CTDSPL2: variants seen among roughly 807,000 people sequenced by gnomAD.
The protein encoded by CTDSPL2 is CTD small phosphatase-like protein 2.
Under a neutral mutation model 60.0 loss-of-function variants are expected in CTDSPL2, and 5 were observed. The ratio of observed to expected loss-of-function variants is 0.08; its 90% CI spans 0.04 to 0.18. CTDSPL2 has a LOEUF of 0.18. Ranked by LOEUF, CTDSPL2 falls within the 10% of genes least tolerant of loss-of-function variation. The pLI is 1.00. For synonymous variants in CTDSPL2, 186 were observed against 189.3 expected (o/e 0.98, Z 0.14); for missense variants, 370 against 548.8 (o/e 0.67, Z 3.26).
At chr15:44,458,534 A>T (rs1299340728) in intron 1 of CTDSPL2, among the ~76,000 whole-genome samples, 1 of 152,238 alleles carries the variant, frequency 6.6e-6, no homozygotes, top group Non-Finnish European at 1.5e-5. Context: ...GGCTGACATT[A>T]CTTTTCCACT....
intron 8 of CTDSPL2, among the ~76,000 whole-genome samples, chr15:44,506,298 G>A (rs1461303383): frequency 6.6e-6 from 1 of 151,622 alleles, no homozygotes; most frequent in Non-Finnish European, 1.5e-5. Flanking sequence ...CCAAAATGCT[G>A]GGATTACCGG....
chr15:44,465,764 AGT>A (rs1422991011), intron 2 of CTDSPL2, among the ~76,000 whole-genome samples: 1 of 127,862 alleles, frequency 7.8e-6, no homozygotes, highest in Non-Finnish European at 1.5e-5. Context: ...CCCAGGCTGG[AGT>A]GCAGTGGTAC....
chr15:44,436,986 T>C (rs183334539), intron 1 of CTDSPL2, among the ~76,000 whole-genome samples: 4 of 152,296 alleles, frequency 2.6e-5, no homozygotes, highest in Non-Finnish European at 4.4e-5. Context: ...AAACATGAAA[T>C]TCATTTATGT....
intron 1 of CTDSPL2, among the ~76,000 whole-genome samples, chr15:44,455,437 T>G (rs1460128935): frequency 7.9e-5 from 12 of 152,008 alleles, no homozygotes; most frequent in South Asian, 2.1e-4. Context: ...TATTGCCCTG[T>G]CCAGAACTTC....
chr15:44,515,437 T>C (rs1189034016), intron 10 of CTDSPL2, among the ~76,000 whole-genome samples: 1 of 152,172 alleles, frequency 6.6e-6, no homozygotes, highest in Non-Finnish European at 1.5e-5. Context: ...TTTTAAAATA[T>C]TATGATAATT....
rs149536722 is a variant in CTDSPL2, at chr15:44,494,171, T to C, written c.692-2209T>C. ...CTTCTTACATTTAAGTTATAATTATTGTCTTGGAAAATTCCCAGCATAATT... is the reference window on the plus strand; with the variant it reads ...CTTCTTACATTTAAGTTATAATTATCGTCTTGGAAAATTCCCAGCATAATT... On this transcript the variant is annotated intron_variant, in intron 5 of 12. Coordinates refer to ENST00000260327, the MANE Select transcript of CTDSPL2 (RefSeq NM_016396.3). Among the ~76,000 whole-genome samples the C allele has an allele frequency of 3.7e-3, 561 of 152,342 alleles. 5 individuals are homozygous for C. The highest frequency in any genetic ancestry group is 4.4e-3 in the Non-Finnish European group (298 of 68,034).
At chr15:44,491,142 GC>G (rs1360736150) in intron 5 of CTDSPL2, 143 bp downstream of exon 5, 2 of 661,810 alleles carry the variant, frequency 3.0e-6, no homozygotes, top group Non-Finnish European at 5.0e-6. Context: ...TGGAAACAAA[GC>G]TTTGTCCCAA....
At chr15:44,438,070 C>T (rs2080011756) in intron 1 of CTDSPL2, among the ~76,000 whole-genome samples, 1 of 152,106 alleles carries the variant, frequency 6.6e-6, no homozygotes, top group African/African-American at 2.4e-5. Flanking sequence ...TAAGACCATC[C>T]TGGCTAACAT....
chr15:44,505,720 C>T (rs963382805), intron 8 of CTDSPL2, among the ~76,000 whole-genome samples: 5 of 144,186 alleles, frequency 3.5e-5, no homozygotes, highest in South Asian at 4.4e-4. Context: ...GGCAACAGAG[C>T]GAGACTCTGT....
intron 4 of CTDSPL2, among the ~76,000 whole-genome samples, chr15:44,489,594 G>T (rs28486675): frequency 0.067 from 10,176 of 152,250 alleles, 584 homozygotes; most frequent in African/African-American, 0.16. Flanking sequence ...TTATAGCTAT[G>T]GTAGTAACTG....
chr15:44,431,584 A>G (rs2079857348), intron 1 of CTDSPL2, among the ~76,000 whole-genome samples: 1 of 152,180 alleles, frequency 6.6e-6, no homozygotes, highest in Non-Finnish European at 1.5e-5. Flanking sequence ...AAACTTTAAA[A>G]ATTGTCTTTT....
At chr15:44,521,798 C>T (rs1019262599) in intron 12 of CTDSPL2, among the ~76,000 whole-genome samples, 9 of 150,612 alleles carry the variant, frequency 6.0e-5, no homozygotes, top group Admixed American at 2.6e-4. Context: ...ATTAGCCGGG[C>T]GTGGTAGCGG....
intron 1 of CTDSPL2, among the ~76,000 whole-genome samples, chr15:44,451,758 C>A (rs900798962): frequency 6.6e-6 from 1 of 152,186 alleles, no homozygotes; most frequent in African/African-American, 2.4e-5. Context: ...AGAAAAAAAT[C>A]TATGAAATTT....
At chr15:44,515,175 G>A (rs956486218) in intron 10 of CTDSPL2, among the ~76,000 whole-genome samples, 2 of 152,034 alleles carry the variant, frequency 1.3e-5, no homozygotes, top group East Asian at 3.9e-4. Flanking sequence ...ATGTCTCTGA[G>A]GTAATGCATG....
chr15:44,440,249 G>T (rs564804766), intron 1 of CTDSPL2, among the ~76,000 whole-genome samples: 1 of 149,206 alleles, frequency 6.7e-6, no homozygotes, highest in African/African-American at 2.5e-5. Context: ...AGGCTGGAGT[G>T]CAGTGGTGTG....
rs1595788647 is a variant in CTDSPL2, at chr15:44,524,465, A to G, written c.*291A>G. 1 of 300,830 alleles carries G rather than the reference A, an allele frequency of 3.3e-6. No homozygotes were observed. Among genetic ancestry groups the G allele is most frequent in the Non-Finnish European group, 6.2e-6 (1 of 162,024 alleles). The allele number at this position is 300,830 out of a possible 1,614,324, so 18.6% of individuals were successfully genotyped here. A position where few individuals can be genotyped will look rare whatever the true frequency, so the allele number is the denominator to read the frequency against. Reference sequence around the variant, plus strand: ...GTTTATAAAGAATTCTGTTTCTGCCACCAGCAGTTTGACCTGTAGTCACAC... The same window carrying G: ...GTTTATAAAGAATTCTGTTTCTGCCGCCAGCAGTTTGACCTGTAGTCACAC... On this transcript the variant is annotated 3_prime_UTR_variant, in exon 13 of 13. Coordinates refer to ENST00000260327, the MANE Select transcript of CTDSPL2 (RefSeq NM_016396.3).
At chr15:44,495,857 G>T (rs1240875291) in intron 5 of CTDSPL2, among the ~76,000 whole-genome samples, 2 of 151,914 alleles carry the variant, frequency 1.3e-5, no homozygotes, top group African/African-American at 4.8e-5. Context: ...GCTTGAACCT[G>T]TGGGGTGGAG....
At chr15:44,467,762 A>G (rs1390012032) in intron 2 of CTDSPL2, among the ~76,000 whole-genome samples, 3 of 151,994 alleles carry the variant, frequency 2.0e-5, no homozygotes, top group Admixed American at 1.3e-4. Flanking sequence ...TTTAGTAGAG[A>G]TGGGGTTTCA....
At chr15:44,441,762 T>A (rs1195047941) in intron 1 of CTDSPL2, among the ~76,000 whole-genome samples, 1 of 152,182 alleles carries the variant, frequency 6.6e-6, no homozygotes, top group Non-Finnish European at 1.5e-5. Flanking sequence ...TTTTTGTTGT[T>A]AGGCTGGTGG....
Sources: gnomAD v4.1 joint callset for allele counts (sites outside exome capture counted in the v4.1 genomes callset) on GRCh38, gnomAD v4.1.1 for gene constraint, MANE v1.5 for transcripts, NCBI Gene and HGNC (gene_info 2026-07-23, HGNC 2026-07-21) for gene names.